NUP133: variants seen among roughly 807,000 people sequenced by gnomAD.
The protein encoded by NUP133 is nucleoporin 133, also known as nuclear pore complex protein Nup133.
Under a neutral mutation model 146.2 loss-of-function variants are expected in NUP133, and 66 were observed. The ratio of observed to expected loss-of-function variants is 0.45; its 90% CI spans 0.37 to 0.55. The LOEUF is 0.55. NUP133 is among the 20% of genes least tolerant of loss of function. The pLI, the probability that NUP133 is intolerant of heterozygous loss-of-function variation, is 0.00. For synonymous variants in NUP133, 521 were observed against 498.8 expected, an observed-to-expected ratio of 1.04 and a Z score of -0.59; for missense variants, 1,277 against 1,374.8, an observed-to-expected ratio of 0.93 and a Z score of 1.12.
intron 20 of NUP133, among the ~76,000 whole-genome samples, chr1:229,459,712 T>C (rs1453461133): frequency 2.0e-5 from 3 of 152,246 alleles, no homozygotes; most frequent in Non-Finnish European, 4.4e-5. Flanking sequence ...CTTAAGGCTA[T>C]TACTGCATTG....
In NUP133 at chr1:229,495,487, T is replaced by C; in HGVS notation, c.1046+8A>G. ...CTCTATGTTCTTTACGACAAATTAA[T>C]TGCTTACCAGTTTTGCTTCAAGTCC... On this transcript the variant is annotated splice_region_variant and intron_variant, in intron 8 of 25. Coordinates refer to ENST00000261396, the MANE Select transcript of NUP133 (RefSeq NM_018230.3). The C allele has an allele frequency of 6.3e-7, 1 of 1,599,200 alleles. No homozygotes were observed. The highest frequency in any genetic ancestry group is 1.1e-5 in the South Asian group (1 of 90,586).
chr1:229,490,568 G>A (rs1041319252), intron 8 of NUP133, among the ~76,000 whole-genome samples: 10 of 152,214 alleles, frequency 6.6e-5, no homozygotes, highest in African/African-American at 2.2e-4. Flanking sequence ...CTAGAGGATG[G>A]AGGGGTCGAT....
chr1:229,494,385 T>C (rs1345387627), intron 8 of NUP133, among the ~76,000 whole-genome samples: 1 of 152,150 alleles, frequency 6.6e-6, no homozygotes, highest in East Asian at 1.9e-4. Context: ...TTACACAAAG[T>C]GGTACAACTG....
At chr1:229,445,945 T>C (rs1037053112) in intron 24 of NUP133, among the ~76,000 whole-genome samples, 2 of 152,226 alleles carry the variant, frequency 1.3e-5, no homozygotes, top group East Asian at 1.9e-4. Context: ...AGGAAAATTG[T>C]GAGTAGGAGA....
In NUP133 at chr1:229,486,454, T is replaced by G; in HGVS notation, c.1417A>C (p.Ile473Leu). The change falls in exon 11 of 26, where the codon ATT (isoleucine) becomes CTT (leucine). Residue 473 changes from isoleucine to leucine, a missense_variant. Physicochemically the swap from Ile to Leu is conservative, Grantham distance 5. Transcript: ENST00000261396. Reference sequence around the variant, plus strand: ...ATAGACACATTTTCCCTTGAAGTAATAGACACCAGTCCACTGTTTCTAGAA... The same window carrying G: ...ATAGACACATTTTCCCTTGAAGTAAGAGACACCAGTCCACTGTTTCTAGAA... ...IFSRNSGLVS[I>L]TSRENVSILA... is the part of the protein sequence containing the mutation. 1 of 1,611,248 alleles carries G rather than the reference T, an allele frequency of 6.2e-7. No individual in the cohort carries two copies.
intron 15 of NUP133, among the ~76,000 whole-genome samples, chr1:229,468,298 A>G (rs1660870576): frequency 6.6e-6 from 1 of 152,210 alleles, no homozygotes; most frequent in African/African-American, 2.4e-5. Flanking sequence ...TAGACAGGTA[A>G]CTTGTCACCC....
chr1:229,478,045 G>A (rs952398978), intron 12 of NUP133, among the ~76,000 whole-genome samples: 19 of 151,974 alleles, frequency 1.3e-4, no homozygotes, highest in African/African-American at 4.6e-4. Flanking sequence ...TTGAGGTGAC[G>A]GATATCCCAT....
At chr1:229,443,626 A>G (rs1232400690) in intron 25 of NUP133, among the ~76,000 whole-genome samples, 1 of 152,122 alleles carries the variant, frequency 6.6e-6, no homozygotes, top group African/African-American at 2.4e-5. Context: ...CATGAAAGCC[A>G]TATTAAGAAG....
At chr1:229,471,757 T>C (rs149642845) in intron 14 of NUP133, among the ~76,000 whole-genome samples, 71 of 152,322 alleles carry the variant, frequency 4.7e-4, no homozygotes, top group African/African-American at 1.7e-3. Context: ...GATTTTCTTA[T>C]CCTTCATTTT....
At chr1:229,481,375 A>C (rs1249921968) in intron 12 of NUP133, among the ~76,000 whole-genome samples, 2 of 152,146 alleles carry the variant, frequency 1.3e-5, no homozygotes, top group African/African-American at 4.8e-5. Context: ...AATTTGTTAA[A>C]TTATGATGAG....
At position 229,502,010 on chromosome 1, in the gene NUP133, G is replaced by A. The variant is rs567318259; in HGVS notation, c.394C>T (p.Pro132Ser). Residue 132 changes from proline (P) to serine (S), a missense_variant, in exon 3 of 26, where the codon CCT becomes TCT. This residue lies in a region of NUP133 where 319 missense variants were observed against 306.9 expected (regional missense o/e 1.04). Coordinates refer to ENST00000261396, the MANE Select transcript of NUP133 (RefSeq NM_018230.3). The stretch of plus-strand genomic sequence containing the variant: ...TAAAGAGCCATTACCTTAGTAATAG[G>A]TGACAGAGCAATCTTCCAAATAATG... ...KLIIWKIALSPITKLSVCKEL... is the reference protein window; with the variant it reads ...KLIIWKIALSSITKLSVCKEL... The A allele has an allele frequency of 6.2e-7, 1 of 1,610,356 alleles. No individual in the cohort carries two copies. Among genetic ancestry groups the A allele is most frequent in the African/African-American group, 1.3e-5 (1 of 74,960 alleles).
intron 21 of NUP133, 74 bp downstream of exon 21, chr1:229,458,087 T>A (rs1226099165): frequency 1.4e-6 from 2 of 1,468,980 alleles, no homozygotes; most frequent in Non-Finnish European, 1.9e-6. Context: ...TCCTGCTAAC[T>A]GATGACAGGA....
intron 12 of NUP133, among the ~76,000 whole-genome samples, chr1:229,480,894 C>T (rs1054616596): frequency 2.0e-5 from 3 of 149,870 alleles, no homozygotes; most frequent in Middle Eastern, 3.5e-3. Flanking sequence ...AAGGTTTCAC[C>T]ATGTTGGTCA....
Position 229,449,184 on chromosome 1 carries a change from C to T in NUP133, c.3187G>A (p.Asp1063Asn). The T allele has an allele frequency of 6.2e-7, 1 of 1,605,028 alleles. No individual in the cohort carries two copies. The highest frequency in any genetic ancestry group is 8.5e-7 in the Non-Finnish European group (1 of 1,174,338). Residue 1063 changes from aspartate to asparagine, a missense_variant, in exon 24 of 26, where the codon GAT (aspartate) becomes AAT (asparagine). Asp to Asn is a conservative substitution (Grantham distance 23, BLOSUM62 1). Coordinates refer to ENST00000261396, the MANE Select transcript of NUP133 (RefSeq NM_018230.3). ...DLLEYIDEEE[D>N]ININDLKLEI... ...AGTTTTAGATCATTTATATTTATAT[C>T]TTCTTCCTTCACAGCAAAACAAAAA...
chr1:229,465,575 C>T, intron 16 of NUP133, 56 bp from the exon 17 acceptor site: 1 of 1,303,490 alleles, frequency 7.7e-7, no homozygotes, highest in African/African-American at 1.5e-5. Flanking sequence ...CACAGTATTT[C>T]TGAAGATAAT....
At chr1:229,484,177 A>C in intron 11 of NUP133, 32 bp from the exon 12 acceptor site, 15 of 1,476,122 alleles carry the variant, frequency 1.0e-5, no homozygotes, top group Non-Finnish European at 1.3e-5. Flanking sequence ...TTTAGAGGTA[A>C]AGGCATCTGA....
At chr1:229,490,350 AATAG>A (rs1351013269) in intron 8 of NUP133, among the ~76,000 whole-genome samples, 3 of 152,100 alleles carry the variant, frequency 2.0e-5, no homozygotes, top group Non-Finnish European at 2.9e-5. Context: ...CCAAGTGCTG[AATAG>A]ATAAACAAAC....
At chr1:229,460,328 T>G (rs897016344) in intron 20 of NUP133, among the ~76,000 whole-genome samples, 7 of 152,280 alleles carry the variant, frequency 4.6e-5, no homozygotes, top group African/African-American at 1.7e-4. Context: ...CTCAAGTAGC[T>G]GGGACTACAG....
chr1:229,491,142 T>C (rs993306527), intron 8 of NUP133, among the ~76,000 whole-genome samples: 2 of 152,082 alleles, frequency 1.3e-5, no homozygotes, highest in Non-Finnish European at 2.9e-5. Context: ...TGAAGTTTTG[T>C]TCGAAGGCAA....
Sources: gnomAD v4.1 joint callset for allele counts (sites outside exome capture counted in the v4.1 genomes callset) on GRCh38, gnomAD v4.1.1 for gene constraint, gnomAD v4.1.1 regional missense constraint, MANE v1.5 for transcripts, NCBI Gene and HGNC (gene_info 2026-07-23, HGNC 2026-07-21) for gene names.